THSD4: variants seen among roughly 807,000 people sequenced by gnomAD.
THSD4 encodes the protein thrombospondin type 1 domain containing 4.
A neutral mutation model predicts 119.0 loss-of-function variants in THSD4; 69 were observed. The observed-to-expected ratio is 0.58, with a 90% CI of 0.48 to 0.71. The LOEUF (loss-of-function observed/expected upper bound fraction) is 0.71. Among genes scored for constraint, THSD4 ranks in the 30% least tolerant of loss-of-function variants. The pLI is 0.00. For synonymous variants in THSD4, 524 were observed against 540.4 expected, an observed-to-expected ratio of 0.97 and a Z score of 0.42; for missense variants, 1,393 against 1,391.1, an observed-to-expected ratio of 1.00 and a Z score of -0.02.
intron 6 of THSD4, among the ~76,000 whole-genome samples, chr15:71,410,150 CA>C (rs1470973492): frequency 6.6e-6 from 1 of 152,074 alleles, no homozygotes; most frequent in East Asian, 1.9e-4. Context: ...GAGAGAAAGA[CA>C]AGGGGGAGAA....
chr15:71,693,929 T>C (rs1184154711), intron 8 of THSD4, among the ~76,000 whole-genome samples: 2 of 151,766 alleles, frequency 1.3e-5, no homozygotes, highest in African/African-American at 4.8e-5. Context: ...AATTACCCAG[T>C]CTCACATCTG....
rs1366985686 is a variant in THSD4, at chr15:71,420,058, A to G, written c.1152+8235A>G. ...ATTTTCTGTCTGGATGATCTGTCCAATGCTGAAAGTGTGGTGTTGAAGTGT... is the reference window on the plus strand; with the variant it reads ...ATTTTCTGTCTGGATGATCTGTCCAGTGCTGAAAGTGTGGTGTTGAAGTGT... On this transcript the variant is annotated intron_variant, in intron 7 of 17. Coordinates refer to ENST00000261862, the MANE Select transcript of THSD4 (RefSeq NM_024817.3). 1.8e-5 allele frequency among the ~76,000 whole-genome samples: 2 copies of G among 108,446 alleles called. 1 individual carries two copies. The highest frequency in any genetic ancestry group is 4.1e-5 in the Non-Finnish European group (2 of 49,324). The allele number at this position is 108,446 out of a possible 152,430, so 71.1% of individuals were successfully genotyped here.
At chr15:71,504,099 C>T (rs4238439) in intron 7 of THSD4, among the ~76,000 whole-genome samples, 139,593 of 152,212 alleles carry the variant, frequency 0.92, 64,738 homozygotes, top group East Asian at 1. Context: ...GCTTTTCAAA[C>T]AGCACAGCAA....
At chr15:71,405,789 T>C (rs757517992) in intron 6 of THSD4, among the ~76,000 whole-genome samples, 7 of 152,222 alleles carry the variant, frequency 4.6e-5, no homozygotes, top group Non-Finnish European at 1.0e-4. Flanking sequence ...TGTGATATCT[T>C]TCCATTTGTT....
At chr15:71,252,131 CT>C (rs563808953) in intron 5 of THSD4, among the ~76,000 whole-genome samples, 137 of 152,278 alleles carry the variant, frequency 9.0e-4, no homozygotes, top group African/African-American at 3.2e-3. Flanking sequence ...GGCTTTTCCC[CT>C]GTCTCAGTTT....
chr15:71,762,582 C>T (rs1353093990), intron 15 of THSD4, among the ~76,000 whole-genome samples: 1 of 152,170 alleles, frequency 6.6e-6, no homozygotes, highest in African/African-American at 2.4e-5. Flanking sequence ...CCACCCCTGC[C>T]GCCCACCCCT....
chr15:71,227,527 C>A (rs2044028051), intron 4 of THSD4, among the ~76,000 whole-genome samples: 1 of 152,220 alleles, frequency 6.6e-6, no homozygotes, highest in Non-Finnish European at 1.5e-5. Flanking sequence ...CTGCAGGAGC[C>A]TGCACATATT....
At chr15:71,391,935 A>G (rs954890876) in intron 6 of THSD4, among the ~76,000 whole-genome samples, 4 of 152,242 alleles carry the variant, frequency 2.6e-5, no homozygotes, top group Non-Finnish European at 5.9e-5. Flanking sequence ...CAGCATTTCT[A>G]GATTTGGCTA....
At chr15:71,234,082 A>G (rs1462384129) in intron 4 of THSD4, among the ~76,000 whole-genome samples, 1 of 152,144 alleles carries the variant, frequency 6.6e-6, no homozygotes, top group Non-Finnish European at 1.5e-5. Flanking sequence ...CAAGGGCCAT[A>G]TACTCTGTGG....
chr15:71,729,013 C>G (rs1325573901), intron 9 of THSD4: 2 of 421,526 alleles, frequency 4.7e-6, no homozygotes, highest in Non-Finnish European at 8.8e-6. Context: ...GCAAAACATG[C>G]CCTTTATTTC....
chr15:71,645,368 G>A (rs989724609), intron 7 of THSD4, among the ~76,000 whole-genome samples: 1 of 152,108 alleles, frequency 6.6e-6, no homozygotes, highest in Non-Finnish European at 1.5e-5. Flanking sequence ...AATGAGAGCC[G>A]TGCAAAGAGG....
chr15:71,240,940 T>C (rs1241354729), intron 4 of THSD4, among the ~76,000 whole-genome samples: 1 of 152,018 alleles, frequency 6.6e-6, no homozygotes, highest in South Asian at 2.1e-4. Flanking sequence ...AAGACCTAAA[T>C]GCAAAATAAA....
At chr15:71,663,718 G>T (rs554851665) in intron 8 of THSD4, among the ~76,000 whole-genome samples, 1 of 152,160 alleles carries the variant, frequency 6.6e-6, no homozygotes, top group African/African-American at 2.4e-5. Context: ...TGAACTCTTC[G>T]ACGGCTATTT....
At chr15:71,728,917 G>A in intron 9 of THSD4, 193 bp downstream of exon 9, 1 of 665,966 alleles carries the variant, frequency 1.5e-6, no homozygotes, top group Non-Finnish European at 2.6e-6. Flanking sequence ...CCAGCTCACA[G>A]CAACCTCCAA....
intron 7 of THSD4, among the ~76,000 whole-genome samples, chr15:71,442,660 G>GTGTGTGTATGTATGTATATATA: frequency 1.3e-3 from 33 of 25,744 alleles, no homozygotes; most frequent in South Asian, 2.4e-3. Context: ...GTGTGTGTGT[G>GTGTGTGTATGTATGTATATATA]TATATATATA....
At chr15:71,443,800 A>C (rs950984749) in intron 7 of THSD4, among the ~76,000 whole-genome samples, 1 of 152,260 alleles carries the variant, frequency 6.6e-6, no homozygotes, top group Non-Finnish European at 1.5e-5. Flanking sequence ...ATATTGAATG[A>C]AAGCACAATG....
chr15:71,733,946 C>G (rs2053031683), intron 10 of THSD4: 1 of 103,750 alleles, frequency 9.6e-6, no homozygotes, highest in South Asian at 4.0e-4. Flanking sequence ...GCTGAGAAAG[C>G]CCTAATTGTT....
At chr15:71,256,576 T>TGGACA in intron 5 of THSD4, 37 bp from the exon 6 acceptor site, 1 of 1,570,566 alleles carries the variant, frequency 6.4e-7, no homozygotes, top group Non-Finnish European at 8.7e-7. Flanking sequence ...ATGAAAAGTA[T>TGGACA]GGACACTAAT....
intron 6 of THSD4, chr15:71,342,809 C>G (rs552659014): frequency 1.3e-5 from 2 of 152,334 alleles, no homozygotes; most frequent in Admixed American, 1.3e-4. Context: ...GGCAAATTCT[C>G]TTTTGAGGCT....
Sources: gnomAD v4.1 joint callset for allele counts (sites outside exome capture counted in the v4.1 genomes callset) on GRCh38, gnomAD v4.1.1 for gene constraint, MANE v1.5 for transcripts, NCBI Gene and HGNC (gene_info 2026-07-23, HGNC 2026-07-21) for gene names.